The following HBS1L variants were observed in gnomAD, a reference collection of about 807,000 sequenced individuals.
HBS1L encodes HBS1-like protein.
HBS1L carries 55 observed loss-of-function variants against 88.9 expected under a neutral mutation model. The observed-to-expected ratio is 0.62, with a 90% CI of 0.50 to 0.77. HBS1L has a LOEUF of 0.77. HBS1L is among the 30% of genes least tolerant of loss of function. The pLI is 0.00. For synonymous variants in HBS1L, 267 were observed against 288.5 expected, an observed-to-expected ratio of 0.93 and a Z score of 0.76; for missense variants, 741 against 829.3, an observed-to-expected ratio of 0.89 and a Z score of 1.31.
chr6:134,970,155 C>T (rs11757723), intron 15 of HBS1L, among the ~76,000 whole-genome samples: 48,108 of 151,778 alleles, frequency 0.32, 7,968 homozygotes, highest in Non-Finnish European at 0.37. Context: ...TTTTTGGAAG[C>T]GGAGTCTTGC....
intron 4 of HBS1L, among the ~76,000 whole-genome samples, chr6:135,033,588 A>G (rs1403645263): frequency 6.6e-6 from 1 of 152,074 alleles, no homozygotes; most frequent in Non-Finnish European, 1.5e-5. Flanking sequence ...TTCTCTTACC[A>G]CCCTATAATA....
chr6:135,014,851 CAAAAAAAAA>C (rs57153800), intron 4 of HBS1L, among the ~76,000 whole-genome samples: 1 of 85,380 alleles, frequency 1.2e-5, no homozygotes, highest in Admixed American at 1.4e-4. Flanking sequence ...ACTGTCTCTA[CAAAAAAAAA>C]AAAAAAAAAA....
intron 4 of HBS1L, chr6:135,036,683 G>T: frequency 6.4e-7 from 1 of 1,551,090 alleles, no homozygotes; most frequent in Non-Finnish European, 8.7e-7. Context: ...TCTTGAACTT[G>T]TCTACTATAA....
chr6:135,038,387 C>T (rs540121642), intron 4 of HBS1L, among the ~76,000 whole-genome samples: 1 of 152,010 alleles, frequency 6.6e-6, no homozygotes, highest in Admixed American at 6.5e-5. Flanking sequence ...ACAAAAAAAA[C>T]TAGGTTCCTT....
chr6:134,997,088 GAA>G (rs72155156), intron 6 of HBS1L, 146 bp from the exon 7 acceptor site: 2 of 622,362 alleles, frequency 3.2e-6, no homozygotes, highest in South Asian at 2.5e-5. Context: ...ACATCTAATA[GAA>G]AAAAAAAAGA....
At chr6:134,972,004 G>A (rs76917868) in intron 15 of HBS1L, among the ~76,000 whole-genome samples, 19,824 of 152,154 alleles carry the variant, frequency 0.13, 1,573 homozygotes, top group East Asian at 0.27. Context: ...ATCTCAGTTA[G>A]TGTTAATAAG....
At chr6:135,043,485 A>C (rs1776814801) in intron 2 of HBS1L, among the ~76,000 whole-genome samples, 1 of 152,248 alleles carries the variant, frequency 6.6e-6, no homozygotes, top group African/African-American at 2.4e-5. Flanking sequence ...TGCATAGAAC[A>C]TAAAGCTGCA....
intron 4 of HBS1L, among the ~76,000 whole-genome samples, chr6:135,038,485 G>T (rs1379459018): frequency 6.6e-6 from 1 of 152,156 alleles, no homozygotes; most frequent in African/African-American, 2.4e-5. Flanking sequence ...ATCAATACAA[G>T]ATGACATATT....
intron 15 of HBS1L, among the ~76,000 whole-genome samples, chr6:134,973,343 CA>C (rs1464225336): frequency 1.3e-5 from 2 of 152,122 alleles, no homozygotes; most frequent in Non-Finnish European, 2.9e-5. Context: ...AAGCCAGACA[CA>C]AAAGGACAAA....
intron 14 of HBS1L, 41 bp from the exon 15 acceptor site, chr6:134,978,828 C>A: frequency 1.7e-6 from 2 of 1,148,756 alleles, no homozygotes; most frequent in South Asian, 1.4e-5. Flanking sequence ...AATTGGGGGA[C>A]AAATTTACAT....
At chr6:134,971,763 T>C (rs1029169494) in intron 15 of HBS1L, among the ~76,000 whole-genome samples, 2 of 152,110 alleles carry the variant, frequency 1.3e-5, no homozygotes, top group African/African-American at 4.8e-5. Flanking sequence ...AGAGTAAAGG[T>C]AATGAATAAG....
At position 135,042,042 on chromosome 6, in the gene HBS1L, G is replaced by A. The variant is rs112702237; in HGVS notation, c.194C>T (p.Ser65Phe). 453 of 1,613,308 alleles carry A rather than the reference G, an allele frequency of 2.8e-4. No individual in the cohort carries two copies. Among genetic ancestry groups the A allele is most frequent in the Non-Finnish European group, 3.7e-4 (432 of 1,179,628 alleles). Residue 65 changes from serine to phenylalanine, a missense_variant, in exon 3 of 18, where the codon TCC becomes TTC. Physicochemically the swap from Ser to Phe is radical, Grantham distance 155 (BLOSUM62 -2). Transcript: ENST00000367837. ...EYDYEDLKES[S>F]NSVSNHQLSG... ...GAGCTGATGGTTTGAAACAGAATTG[G>A]AAGATTCTTTCAGATCTTCATAATC...
intron 4 of HBS1L, among the ~76,000 whole-genome samples, chr6:135,015,775 G>T (rs773023904): frequency 3.3e-5 from 5 of 151,676 alleles, no homozygotes; most frequent in Admixed American, 2.6e-4. Flanking sequence ...TAGACATGGG[G>T]TTTCGCTGTG....
chr6:135,041,984 A>T lies in HBS1L; in HGVS notation c.235+17T>A, dbSNP rs138065462. 6.2e-7 allele frequency: 1 copy of T among 1,610,408 alleles called. No individual in the cohort carries two copies. Among genetic ancestry groups the T allele is most frequent in the Non-Finnish European group, 8.5e-7 (1 of 1,177,864 alleles). On this transcript the variant is annotated intron_variant, in intron 3 of 17. Coordinates refer to ENST00000367837, the MANE Select transcript of HBS1L (RefSeq NM_006620.4). Reference sequence around the variant, plus strand: ...TTAATCACTTTCAGATAACAGATACACTACTTTTTGCTATACCTTGATCAA... The same window carrying T: ...TTAATCACTTTCAGATAACAGATACTCTACTTTTTGCTATACCTTGATCAA...
In HBS1L at chr6:135,006,130, A is replaced by C. The variant is rs535628532; in HGVS notation, c.431-3288T>G. 7.9e-5 allele frequency among the ~76,000 whole-genome samples: 12 copies of C among 152,200 alleles called. No individual in the cohort carries two copies. The East Asian group carries it at 2.1e-3, about 27-fold the overall frequency. Reference sequence around the variant, plus strand: ...ACATTAACTGCTTCATTAGGAGTTAAGAATCTATCCAACAGGTATAAGAAG... The same window carrying C: ...ACATTAACTGCTTCATTAGGAGTTACGAATCTATCCAACAGGTATAAGAAG... On this transcript the variant is annotated intron_variant, in intron 4 of 17. Coordinates refer to ENST00000367837, the MANE Select transcript of HBS1L (RefSeq NM_006620.4).
intron 4 of HBS1L, among the ~76,000 whole-genome samples, chr6:135,035,557 G>A (rs746523864): frequency 1.9e-4 from 28 of 151,308 alleles, no homozygotes; most frequent in Non-Finnish European, 3.7e-4. Context: ...TGGCCAACAC[G>A]GTGAAACCCC....
intron 5 of HBS1L, among the ~76,000 whole-genome samples, chr6:135,000,841 C>G (rs930188032): frequency 3.3e-5 from 5 of 152,148 alleles, no homozygotes; most frequent in Non-Finnish European, 5.9e-5. Flanking sequence ...GAGAATCACA[C>G]TACGTAGAAA....
intron 1 of HBS1L, 142 bp from the exon 2 acceptor site, chr6:135,050,789 C>A: frequency 1.7e-6 from 1 of 600,084 alleles, no homozygotes; most frequent in East Asian, 2.9e-5. Context: ...TTCAAAAAAA[C>A]TCTTAAGAAT....
At chr6:135,045,422 C>T (rs1776882844) in intron 2 of HBS1L, among the ~76,000 whole-genome samples, 1 of 152,130 alleles carries the variant, frequency 6.6e-6, no homozygotes, top group African/African-American at 2.4e-5. Context: ...ACAATGGTTT[C>T]CTAAACATCT....
Sources: allele counts gnomAD v4.1 joint callset (sites outside exome capture counted in the v4.1 genomes callset), GRCh38; gene constraint gnomAD v4.1.1; transcripts MANE v1.5; gene names NCBI Gene and HGNC (gene_info 2026-07-23, HGNC 2026-07-21).